The following CPLANE1 variants were observed in gnomAD, a reference collection of about 807,000 sequenced individuals.
CPLANE1 encodes the protein ciliogenesis and planar polarity effector complex subunit 1, also known as ciliogenesis and planar polarity effector 1.
A neutral mutation model predicts 362.5 loss-of-function variants in CPLANE1; 263 were observed. The observed-to-expected ratio is 0.73, with a 90% CI of 0.66 to 0.80. The LOEUF (loss-of-function observed/expected upper bound fraction) is 0.80. CPLANE1 is among the 30% of genes least tolerant of loss of function. CPLANE1 has a pLI of 0.00. For synonymous variants in CPLANE1, 1,212 were observed against 1,302.6 expected, an observed-to-expected ratio of 0.93 and a Z score of 1.50; for missense variants, 3,461 against 3,793.4, an observed-to-expected ratio of 0.91 and a Z score of 2.30.
At chr5:37,085,182 C>T in the CPLANE1 span, 1 of 815,314 alleles carries the variant, frequency 1.2e-6, no homozygotes, top group Non-Finnish European at 2.2e-6. Context: ...AGAGTGTCTC[C>T]CCCTCATCAT....
intron 38 of CPLANE1, among the ~76,000 whole-genome samples, chr5:37,160,146 C>G: frequency 6.6e-6 from 1 of 152,048 alleles, no homozygotes; most frequent in East Asian, 1.9e-4. Context: ...TGGGCCTTCA[C>G]CTAGATGAAT....
intron 21 of CPLANE1, 150 bp downstream of exon 21, chr5:37,195,708 T>C (rs955748569): frequency 1.6e-6 from 1 of 606,304 alleles, no homozygotes; most frequent in South Asian, 3.6e-5. Context: ...ATCATATATA[T>C]ATACATAGCT....
Position 37,210,151 on chromosome 5 carries a change from G to A in CPLANE1, c.2920+3408C>T, listed in dbSNP as rs769293520. On this transcript the variant is annotated intron_variant, in intron 16 of 52. Coordinates refer to ENST00000651892, the MANE Select transcript of CPLANE1 (RefSeq NM_001384732.1). ...GCAAAATCTGAAGCCCTTGTTATTC[G>A]GGAAAAGAGCACCCTTGAGAGAATT... is the stretch of plus-strand genomic sequence containing the variant. 1.7e-4 allele frequency: 182 copies of A among 1,094,972 alleles called. 1 individual carries two copies. Among genetic ancestry groups the A allele is most frequent in the Non-Finnish European group, 2.1e-4 (150 of 714,938 alleles). The allele number at this position is 1,094,972 out of a possible 1,614,324, so 67.8% of individuals were successfully genotyped here.
chr5:37,205,040 C>T (rs1165282665), intron 18 of CPLANE1, among the ~76,000 whole-genome samples: 1 of 152,202 alleles, frequency 6.6e-6, no homozygotes, highest in African/African-American at 2.4e-5. Context: ...GCCTGTAATC[C>T]CAGCTACTCG....
intron 51 of CPLANE1, among the ~76,000 whole-genome samples, chr5:37,111,021 A>G (rs1304838401): frequency 2.0e-5 from 3 of 151,466 alleles, no homozygotes; most frequent in Non-Finnish European, 4.4e-5. Context: ...GTTAGCCAGG[A>G]TGGTCTCAAT....
the CPLANE1 span, among the ~76,000 whole-genome samples, chr5:37,077,853 C>G: frequency 7.2e-5 from 11 of 151,848 alleles, no homozygotes; most frequent in Non-Finnish European, 1.5e-4. Context: ...TGGACTCAAG[C>G]GATCCTCCCA....
At chr5:37,159,212 C>T (rs1368301556) in intron 38 of CPLANE1, among the ~76,000 whole-genome samples, 1 of 146,074 alleles carries the variant, frequency 6.8e-6, no homozygotes, top group African/African-American at 2.5e-5. Flanking sequence ...CCCGGGTTCA[C>T]GCCATTCTCC....
chr5:37,245,756 C>T lies in CPLANE1; in HGVS notation c.171G>A (p.Leu57=), dbSNP rs1739426154. The T allele has an allele frequency of 1.3e-6, 2 of 1,537,688 alleles. No homozygotes were observed. The highest frequency in any genetic ancestry group is 1.3e-5 in the South Asian group (1 of 79,512). Residue 57 remains leucine, a synonymous_variant, in exon 3 of 53, where the codon CTG becomes CTA. Transcript: ENST00000651892. The stretch of plus-strand genomic sequence containing the variant: ...CAATAACATCCTTCAAGAAAGGCTG[C>T]AGACTAGGAATTTTCTTCTTTATCT... ...SGKIKKKIPS[L]QPFLKDVIVL...
chr5:37,211,952 A>C (rs1024180654), intron 16 of CPLANE1: 19 of 838,342 alleles, frequency 2.3e-5, no homozygotes, highest in Non-Finnish European at 3.8e-5. Flanking sequence ...TGCCCCTCTC[A>C]TATCAGCACC....
chr5:37,165,787 T>C, intron 35 of CPLANE1, 116 bp from the exon 36 acceptor site: 1 of 919,520 alleles, frequency 1.1e-6, no homozygotes, highest in African/African-American at 1.7e-5. Context: ...TTATTTTCAA[T>C]AGCATTTAAT....
At position 37,221,319 on chromosome 5, in the gene CPLANE1, C is replaced by A; in HGVS notation, c.2746+5G>T. 4 of 1,480,194 alleles carry A rather than the reference C, an allele frequency of 2.7e-6. No homozygotes were observed. The highest frequency in any genetic ancestry group is 2.7e-5 in the South Asian group (2 of 72,802). The allele number at this position is 1,480,194 out of a possible 1,614,324, so 91.7% of individuals were successfully genotyped here. On this transcript the variant is annotated splice_donor_5th_base_variant and intron_variant, in intron 15 of 52. Transcript: ENST00000651892. The stretch of plus-strand genomic sequence containing the variant: ...AAATACAAAGAAAGAAAAAAAAAAG[C>A]ATACCTGAAAAATCTTTATTTTCTT...
intron 15 of CPLANE1, among the ~76,000 whole-genome samples, chr5:37,218,462 T>G (rs1244826461): frequency 6.6e-6 from 1 of 152,190 alleles, no homozygotes; most frequent in African/African-American, 2.4e-5. Flanking sequence ...TTCTCCAAAC[T>G]TCATACCATG....
chr5:37,171,221 A>G (rs1284136577), intron 32 of CPLANE1, among the ~76,000 whole-genome samples: 1 of 152,234 alleles, frequency 6.6e-6, no homozygotes, highest in African/African-American at 2.4e-5. Context: ...AAATGTCCAG[A>G]AAAGCTTGGG....
In CPLANE1 at chr5:37,148,283, C is replaced by T. The variant is rs74881219; in HGVS notation, c.8374-15G>A. ...ACTGGTCCAATCTGTAGAAAAAACA[C>T]ACACAACAAAACAACAGTAATACTT... On this transcript the variant is annotated splice_polypyrimidine_tract_variant and intron_variant, in intron 42 of 52. Transcript: ENST00000651892. 3,145 of 1,559,594 alleles carry T rather than the reference C, an allele frequency of 2.0e-3. 111 individuals carry two copies. The East Asian group carries it at 0.064, about 32-fold the overall frequency.
At chr5:37,095,894 G>T in the CPLANE1 span, among the ~76,000 whole-genome samples, 5 of 152,064 alleles carry the variant, frequency 3.3e-5, no homozygotes, top group African/African-American at 9.6e-5. Flanking sequence ...CTCTACAAGG[G>T]AAACTACAAA....
Position 37,245,766 on chromosome 5 carries a change from A to AT in CPLANE1, c.160dup (p.Ile54AsnfsTer3). 1 of 1,538,338 alleles carries AT rather than the reference A, an allele frequency of 6.5e-7. No homozygotes were observed. The highest frequency in any genetic ancestry group is 8.8e-7 in the Non-Finnish European group (1 of 1,142,812). On this transcript the variant is annotated frameshift_variant, in exon 3 of 53. Transcript: ENST00000651892. ...CTTCAAGAAAGGCTGCAGACTAGGA[A>AT]TTTTCTTCTTTATCTTTCCTGATAG...
intron 34 of CPLANE1, 75 bp from the exon 35 acceptor site, chr5:37,167,288 G>A: frequency 8.7e-7 from 1 of 1,143,960 alleles, no homozygotes; most frequent in Non-Finnish European, 1.3e-6. Flanking sequence ...AAAGACTGAG[G>A]AAAAATACAT....
In CPLANE1 at chr5:37,244,451, AT is replaced by A. The variant is rs606231259; in HGVS notation, c.493del (p.Ile165TyrfsTer17). ...LSLAGRWSQV[I>X]PEEAVLLPST... Reference sequence around the variant, plus strand: ...AGGCAAGAGAACTGCTTCTTCAGGTATGACCTGGGACCACCGACCCGCCAAT... The same window carrying A: ...AGGCAAGAGAACTGCTTCTTCAGGTAGACCTGGGACCACCGACCCGCCAAT... On this transcript the variant is annotated frameshift_variant, in exon 5 of 53. Coordinates refer to ENST00000651892, the MANE Select transcript of CPLANE1 (RefSeq NM_001384732.1). The A allele has an allele frequency of 1.7e-4, 264 of 1,551,662 alleles. No homozygotes were observed. Among genetic ancestry groups the A allele is most frequent in the Non-Finnish European group, 2.1e-4 (238 of 1,146,974 alleles).
At chr5:37,201,490 A>T in intron 19 of CPLANE1, 101 bp downstream of exon 19, 1 of 932,430 alleles carries the variant, frequency 1.1e-6, no homozygotes, top group Admixed American at 2.5e-5. Context: ...TTGTCTTTAG[A>T]GCTTGAATTT....
Sources: gnomAD v4.1 joint callset for allele counts (sites outside exome capture counted in the v4.1 genomes callset) on GRCh38, gnomAD v4.1.1 for gene constraint, MANE v1.5 for transcripts, NCBI Gene and HGNC (gene_info 2026-07-23, HGNC 2026-07-21) for gene names.